Variants in KMT2D observed in about 807,000 individuals in gnomAD.
The protein encoded by KMT2D is histone-lysine N-methyltransferase 2D.
In KMT2D, 55 loss-of-function variants were observed where a neutral mutation model predicts 512.7. The observed-to-expected ratio is 0.11, with a 90% CI of 0.09 to 0.13. KMT2D has a LOEUF of 0.13. Ranked by LOEUF, KMT2D falls within the 10% of genes least tolerant of loss-of-function variation. KMT2D has a pLI of 1.00. For synonymous variants in KMT2D, 2,995 were observed against 2,904.0 expected (o/e 1.03, Z -1.01); for missense variants, 6,061 against 7,127.9 (o/e 0.85, Z 5.39).
At chr12:49,059,470 C>T (rs1938608016) in intron 1 of KMT2D, 143 bp downstream of exon 1, 1 of 152,448 alleles carries the variant, frequency 6.6e-6, no homozygotes, top group East Asian at 1.9e-4. Context: ...CTCAGGTTCC[C>T]TTGACAGACC....
At position 49,044,084 on chromosome 12, in the gene KMT2D, C is replaced by T. The variant is rs1943671058; in HGVS notation, c.5189-86G>A. ...GTGACACTTTGTGCCTACTCTCTCC[C>T]ACAACACCAGCTGGGTCTACCACCC... On this transcript the variant is annotated intron_variant, in intron 22 of 54. Transcript: ENST00000301067. The surrounding 1 kb of genome is among the most constrained non-coding windows in gnomAD (Gnocchi z 6.4). The T allele has an allele frequency of 6.3e-7, 1 of 1,596,542 alleles. No homozygotes were observed. The highest frequency in any genetic ancestry group is 1.7e-5 in the Admixed American group (1 of 59,574).
chr12:49,038,540 G>A lies in KMT2D; in HGVS notation c.8816C>T (p.Ala2939Val), dbSNP rs1479985567. 9 of 1,611,366 alleles carry A rather than the reference G, an allele frequency of 5.6e-6. No homozygotes were observed. The East Asian group carries it at 6.7e-5, about 12-fold the overall frequency. ...ATGAAGACTGTTGTTCAATTCAGGG[G>A]CCGGTGGGGCTGAGGGTTTCTGTGG... ...LPPQKPSAPP[A>V]PELNNSLHPT... Residue 2939 changes from alanine to valine, a missense_variant, in exon 35 of 55, where the codon GCC becomes GTC. Transcript: ENST00000301067. This position sits in a 1 kb window ranked among gnomAD's most constrained non-coding sequence, Gnocchi z 5.7.
rs1592131352 is a variant in KMT2D at position 49,038,512 on chromosome 12, T to C, written c.8844A>G (p.Pro2948=). ...PAPELNNSLH[P]TPHTKGPTLP... ...GGGTAGGACCCTTGGTGTGGGGTGTTGGATGAAGACTGTTGTTCAATTCAG... is the reference window on the plus strand; with the variant it reads ...GGGTAGGACCCTTGGTGTGGGGTGTCGGATGAAGACTGTTGTTCAATTCAG... Residue 2948 remains proline, a synonymous_variant, in exon 35 of 55, where the codon CCA becomes CCG. Transcript: ENST00000301067. This position sits in a 1 kb window ranked among gnomAD's most constrained non-coding sequence, Gnocchi z 5.7. 1.9e-5 allele frequency: 30 copies of C among 1,607,350 alleles called. No individual in the cohort carries two copies. Among genetic ancestry groups the C allele is most frequent in the Non-Finnish European group, 2.6e-5 (30 of 1,175,160 alleles).
rs1320906608 is a variant in KMT2D at position 49,033,207 on chromosome 12, C to A, written c.11498G>T (p.Arg3833Leu). Reference sequence around the variant, plus strand: ...TGCCAGCTGGGGGGAACTGAGCACCCGGGACTGGGTCATAAGCACCTGTCT... The same window carrying A: ...TGCCAGCTGGGGGGAACTGAGCACCAGGGACTGGGTCATAAGCACCTGTCT... ...PHRQVLMTQS[R>L]VLSSPQLAQQ... Residue 3833 changes from arginine to leucine, a missense_variant, in exon 40 of 55, where the codon CGG (arginine) becomes CTG (leucine). Arg to Leu is a moderately radical substitution (Grantham distance 102, BLOSUM62 -2). This residue lies in a region of KMT2D where 1,600 missense variants were observed against 1,754.9 expected (regional missense o/e 0.91). Transcript: ENST00000301067. The A allele has an allele frequency of 3.9e-6, 6 of 1,550,852 alleles. No homozygotes were observed. Among genetic ancestry groups the A allele is most frequent in the Non-Finnish European group, 5.2e-6 (6 of 1,146,592 alleles).
chr12:49,050,879 C>T lies in KMT2D; in HGVS notation c.2797+7G>A, dbSNP rs1414630106. On this transcript the variant is annotated splice_region_variant and intron_variant, in intron 11 of 54. Coordinates refer to ENST00000301067, the MANE Select transcript of KMT2D (RefSeq NM_003482.4). ...TCCAGAATAACAGAGTACTAACATC[C>T]CCTTACCTGGTGGCATCAGCTGAGG... 1 of 1,538,586 alleles carries T rather than the reference C, an allele frequency of 6.5e-7. No individual in the cohort carries two copies. The highest frequency in any genetic ancestry group is 1.4e-5 in the African/African-American group (1 of 72,694).
At chr12:49,055,142 A>T (rs1044292155) in intron 2 of KMT2D, 116 bp from the exon 3 acceptor site, 2 of 1,553,454 alleles carry the variant, frequency 1.3e-6, no homozygotes, top group Admixed American at 1.7e-5. Context: ...TGATATTTCA[A>T]CTGTTGTCCC....
rs1261903837 is a variant in KMT2D, at chr12:49,041,042, G to A, written c.6728C>T (p.Pro2243Leu). ...CGAGGGGCAGCGGGGTTTGAGGAAT[G>A]GGTCAGGTGTGGAGGGCTGGTGTCT... ...TPRHQPSTPD[P>L]FLKPRCPSLD... The change falls in exon 32 of 55, where the codon CCA (proline) becomes CTA (leucine). Residue 2243 changes from proline to leucine, a missense_variant. Pro to Leu is a moderately conservative substitution (Grantham distance 98, BLOSUM62 -3). Coordinates refer to ENST00000301067, the MANE Select transcript of KMT2D (RefSeq NM_003482.4). The surrounding 1 kb of genome is among the most constrained non-coding windows in gnomAD (Gnocchi z 5.4). 6.4e-6 allele frequency: 10 copies of A among 1,560,602 alleles called. No homozygotes were observed. Among genetic ancestry groups the A allele is most frequent in the Non-Finnish European group, 8.7e-6 (10 of 1,152,680 alleles).
At chr12:49,048,799 G>T in intron 13 of KMT2D, 30 bp from the exon 14 acceptor site, 2 of 1,464,412 alleles carry the variant, frequency 1.4e-6, no homozygotes, top group Non-Finnish European at 9.5e-7. Context: ...GGAAAGTGAG[G>T]CAGATAAATC....
At position 49,039,529 on chromosome 12, in the gene KMT2D, CCTGCAGCTG is replaced by C; in HGVS notation, c.8126_8134del (p.Ala2709_Ala2711del). On this transcript the variant is annotated inframe_deletion, in exon 33 of 55. Transcript: ENST00000301067. This position sits in a 1 kb window ranked among gnomAD's most constrained non-coding sequence, Gnocchi z 5.0. Reference sequence around the variant, plus strand: ...CCAGCTGCCTGGAGGCCCCACTGCTCCTGCAGCTGCTGCAGCTGTTTCCTTCTCCTGCCG... The same window carrying C: ...CCAGCTGCCTGGAGGCCCCACTGCTCCTGCAGCTGTTTCCTTCTCCTGCCG... 6.2e-7 allele frequency: 1 copy of C among 1,612,196 alleles called. No individual in the cohort carries two copies. Among genetic ancestry groups the C allele is most frequent in the Non-Finnish European group, 8.5e-7 (1 of 1,179,438 alleles).
intron 1 of KMT2D, among the ~76,000 whole-genome samples, chr12:49,058,188 A>G (rs1938524785): frequency 1.3e-5 from 2 of 152,074 alleles, no homozygotes; most frequent in Admixed American, 1.3e-4. Flanking sequence ...CTGGCCCTGC[A>G]GACCCTCTGA....
In KMT2D at chr12:49,033,917, C is replaced by A. The variant is rs1943083996; in HGVS notation, c.10788G>T (p.Arg3596=). ...KEHTNLMAEY[R]NKQQQQQQQQ... Reference sequence around the variant, plus strand: ...GCTGCTGTTGTTGCTGCTGCTTGTTCCGATATTCTGCCATGAGATTAGTGT... The same window carrying A: ...GCTGCTGTTGTTGCTGCTGCTTGTTACGATATTCTGCCATGAGATTAGTGT... Residue 3596 remains arginine (R), a synonymous_variant, in exon 40 of 55, where the codon CGG becomes CGT. Coordinates refer to ENST00000301067, the MANE Select transcript of KMT2D (RefSeq NM_003482.4). 1 of 1,539,316 alleles carries A rather than the reference C, an allele frequency of 6.5e-7. No homozygotes were observed. Among genetic ancestry groups the A allele is most frequent in the Non-Finnish European group, 8.8e-7 (1 of 1,142,382 alleles).
In KMT2D at chr12:49,051,894, A is replaced by G. The variant is rs1938070452; in HGVS notation, c.1789T>C (p.Ser597Pro). The G allele has an allele frequency of 6.2e-7, 1 of 1,611,702 alleles. No individual in the cohort carries two copies. Residue 597 changes from serine (S) to proline (P), a missense_variant, in exon 11 of 55, where the codon TCT (serine) becomes CCT (proline). Physicochemically the swap from Ser to Pro is moderately conservative, Grantham distance 74 (BLOSUM62 -1). Transcript: ENST00000301067. ...TCTTCAAATGGTGGGAACAGACGAG[A>G]TGCCTCCGGTGGTGGAGACATGGGT... ...ESPMSPPPEASRLFPPFEESP... is the reference protein window; with the variant it reads ...ESPMSPPPEAPRLFPPFEESP...
chr12:49,054,741 C>A lies in KMT2D; in HGVS notation c.187G>T (p.Val63Leu), dbSNP rs767327365. The change falls in exon 4 of 55, where the codon GTG (valine) becomes TTG (leucine). Residue 63 changes from valine to leucine, a missense_variant. Val to Leu is a conservative substitution (Grantham distance 32). Transcript: ENST00000301067. The surrounding 1 kb of genome is among the most constrained non-coding windows in gnomAD (Gnocchi z 6.4). ...CAGTTACAGAGAGCACAACGCCGCA[C>A]CGGACCCCCACTGTGGACACACAAG... is the stretch of plus-strand genomic sequence containing the variant. ...ETPQDCSGGPVRRCALCNCGE... is the reference protein window; with the variant it reads ...ETPQDCSGGPLRRCALCNCGE... 1.2e-6 allele frequency: 2 copies of A among 1,613,924 alleles called. No individual in the cohort carries two copies. Among genetic ancestry groups the A allele is most frequent in the Non-Finnish European group, 1.7e-6 (2 of 1,179,826 alleles).
In KMT2D at chr12:49,044,994, C is replaced by T; in HGVS notation, c.4742-29G>A. On this transcript the variant is annotated intron_variant, in intron 19 of 54. Transcript: ENST00000301067. The surrounding 1 kb of genome is among the most constrained non-coding windows in gnomAD (Gnocchi z 6.4). Reference sequence around the variant, plus strand: ...CATAAGAGGAAAGAGTATGTGATCCCTGGATGGAAGCCCCAGGGAAACCAG... The same window carrying T: ...CATAAGAGGAAAGAGTATGTGATCCTTGGATGGAAGCCCCAGGGAAACCAG... The T allele has an allele frequency of 1.3e-6, 2 of 1,589,764 alleles. No individual in the cohort carries two copies. Among genetic ancestry groups the T allele is most frequent in the Non-Finnish European group, 1.7e-6 (2 of 1,158,788 alleles).
Position 49,024,767 on chromosome 12 carries a change from C to T in KMT2D, c.15921+43G>A, listed in dbSNP as rs1307415663. 6.2e-6 allele frequency: 10 copies of T among 1,608,662 alleles called. No individual in the cohort carries two copies. Among genetic ancestry groups the T allele is most frequent in the Non-Finnish European group, 8.5e-6 (10 of 1,176,032 alleles). On this transcript the variant is annotated intron_variant, in intron 50 of 54. Transcript: ENST00000301067. This position sits in a 1 kb window ranked among gnomAD's most constrained non-coding sequence, Gnocchi z 4.5. ...GTTTTTTTGGGGTTAGGCCAAAGTT[C>T]TCAGTGCCCGCCAAGCCCCCCAGCT...
rs886049475 is a variant in KMT2D, at chr12:49,032,849, TTGC to T, written c.11853_11855del (p.Gln3954del). Reference sequence around the variant, plus strand: ...GTTGCTGTTGCTGTTGTAGCTGCTGTTGCTGCTGTTGAAGCTGTTGCTGCTGCT... The same window carrying T: ...GTTGCTGTTGCTGTTGTAGCTGCTGTTGCTGTTGAAGCTGTTGCTGCTGCT... On this transcript the variant is annotated inframe_deletion, in exon 40 of 55. Transcript: ENST00000301067. 3 of 1,549,954 alleles carry T rather than the reference TTGC, an allele frequency of 1.9e-6. No individual in the cohort carries two copies. The highest frequency in any genetic ancestry group is 2.6e-6 in the Non-Finnish European group (3 of 1,146,552).
intron 12 of KMT2D, 33 bp downstream of exon 12, chr12:49,049,648 TC>T: frequency 6.5e-7 from 1 of 1,539,716 alleles, no homozygotes; most frequent in Non-Finnish European, 8.8e-7. Context: ...GTGGGCTAAC[TC>T]TAATCACATC....
At position 49,034,064 on chromosome 12, in the gene KMT2D, C is replaced by T. The variant is rs1291336676; in HGVS notation, c.10740+3G>A. On this transcript the variant is annotated splice_donor_region_variant and intron_variant, in intron 39 of 54. Transcript: ENST00000301067. The stretch of plus-strand genomic sequence containing the variant: ...TGCTAGGCTGAAGTTTGCTTTCCCC[C>T]ACCTGATCCAGTTGTTTCTGGATCT... The T allele has an allele frequency of 7.4e-6, 12 of 1,611,164 alleles. No individual in the cohort carries two copies. In the East Asian group the frequency reaches 2.2e-4, roughly 30 times the overall value.
chr12:49,038,929 G>C lies in KMT2D; in HGVS notation c.8427C>G (p.Pro2809=). Residue 2809 remains proline (P), a synonymous_variant, in exon 35 of 55, where the codon CCC becomes CCG. Coordinates refer to ENST00000301067, the MANE Select transcript of KMT2D (RefSeq NM_003482.4). The surrounding 1 kb of genome is among the most constrained non-coding windows in gnomAD (Gnocchi z 5.7). ...ACAGTTGTTGCTGTTGCTGCTGTAA[G>C]GGCAGGGACCCAGGATAGGGTGCTC... is the stretch of plus-strand genomic sequence containing the variant. The part of the protein sequence containing the change: ...YQRAPYPGSL[P]LQQQQQQLWQ... The C allele has an allele frequency of 6.4e-7, 1 of 1,551,770 alleles. No homozygotes were observed.
Sources: gnomAD v4.1 joint callset for allele counts (sites outside exome capture counted in the v4.1 genomes callset) on GRCh38, gnomAD v4.1.1 for gene constraint, gnomAD v4.1.1 regional missense constraint, Gnocchi (gnomAD v3.1) non-coding constraint, MANE v1.5 for transcripts, NCBI Gene and HGNC (gene_info 2026-07-23, HGNC 2026-07-21) for gene names.